PTPN22: variants seen among roughly 807,000 people sequenced by gnomAD.
The protein encoded by PTPN22 is protein tyrosine phosphatase non-receptor type 22, also known as tyrosine-protein phosphatase non-receptor type 22.
In PTPN22, 85 loss-of-function variants were observed where a neutral mutation model predicts 103.3. The ratio of observed to expected loss-of-function variants is 0.82; its 90% CI spans 0.69 to 0.99. The LOEUF is 0.99. Among genes scored for constraint, PTPN22 ranks in the 50% least tolerant of loss-of-function variants. The probability of loss-of-function intolerance (pLI) is 0.00; values close to 1 mark genes in which losing one functional copy is unlikely to be tolerated. For synonymous variants in PTPN22, 323 were observed against 310.2 expected (o/e 1.04, Z -0.43); for missense variants, 865 against 936.9 (o/e 0.92, Z 1.00).
intron 5 of PTPN22, among the ~76,000 whole-genome samples, chr1:113,857,048 A>G (rs1665146156): frequency 6.6e-6 from 1 of 152,246 alleles, no homozygotes; most frequent in African/African-American, 2.4e-5. Flanking sequence ...AAACAGACAT[A>G]TTAAAAAATG....
chr1:113,870,838 G>T (rs1349474238), intron 1 of PTPN22, among the ~76,000 whole-genome samples: 1 of 152,064 alleles, frequency 6.6e-6, no homozygotes, highest in Non-Finnish European at 1.5e-5. Context: ...GGGCAAAAAA[G>T]CAAGGCTCGT....
At chr1:113,856,499 G>A (rs41302085) in intron 6 of PTPN22, 49 bp downstream of exon 6, 1 of 1,613,882 alleles carries the variant, frequency 6.2e-7, no homozygotes, top group African/African-American at 1.3e-5. Context: ...TCTCTATAAG[G>A]TAGACCCTGG....
In PTPN22 at chr1:113,834,294, T is replaced by A; in HGVS notation, c.2025+15A>T. On this transcript the variant is annotated intron_variant, in intron 15 of 20. Transcript: ENST00000359785. ...ATTGAATCTAAATGAGTAGAGTCATTAAAAAATTATTGACCTTGCTTGGTC... is the reference window on the plus strand; with the variant it reads ...ATTGAATCTAAATGAGTAGAGTCATAAAAAAATTATTGACCTTGCTTGGTC... 2.5e-6 allele frequency: 4 copies of A among 1,612,056 alleles called. No homozygotes were observed. The highest frequency in any genetic ancestry group is 3.4e-6 in the Non-Finnish European group (4 of 1,178,780).
exon 13 of PTPN22, chr1:113,837,687 A>T: frequency 6.2e-7 from 1 of 1,603,782 alleles, no homozygotes; most frequent in Non-Finnish European, 8.5e-7. Flanking sequence ...AGAGGGATGT[A>T]GAGGATGTTG....
intron 1 of PTPN22, among the ~76,000 whole-genome samples, chr1:113,863,089 G>A (rs1469669630): frequency 6.6e-6 from 1 of 152,028 alleles, no homozygotes; most frequent in East Asian, 1.9e-4. Flanking sequence ...TGTGTGTGTT[G>A]TTGGTTGGTT....
exon 11 of PTPN22, chr1:113,848,547 C>A: frequency 6.2e-7 from 1 of 1,612,964 alleles, no homozygotes; most frequent in South Asian, 1.1e-5. Flanking sequence ...TACCTCTGTT[C>A]CAGAATGTTT....
intron 19 of PTPN22, among the ~76,000 whole-genome samples, 176 bp downstream of exon 19, chr1:113,824,966 C>CA (rs35424386): frequency 0.38 from 24,392 of 64,128 alleles, 3,072 homozygotes; most frequent in South Asian, 0.53. Flanking sequence ...TGAAGCCTAG[C>CA]AAAAAAAAAA....
intron 18 of PTPN22, among the ~76,000 whole-genome samples, chr1:113,826,179 C>A (rs980834945): frequency 1.3e-5 from 2 of 151,938 alleles, no homozygotes; most frequent in South Asian, 2.1e-4. Context: ...AGACCCCATC[C>A]CTACCAAAAA....
intron 1 of PTPN22, 26 bp downstream of exon 1, chr1:113,871,511 C>CTT: frequency 2.5e-6 from 4 of 1,596,810 alleles, no homozygotes; most frequent in Non-Finnish European, 3.4e-6. Context: ...TGTAACTACC[C>CTT]TGAGAGGGTC....
At chr1:113,867,293 A>G (rs931978157) in intron 1 of PTPN22, among the ~76,000 whole-genome samples, 6 of 152,226 alleles carry the variant, frequency 3.9e-5, no homozygotes, top group African/African-American at 1.4e-4. Context: ...TGGATGAAGT[A>G]GAACACTATT....
chr1:113,837,234 G>A (rs375341812), intron 13 of PTPN22, among the ~76,000 whole-genome samples: 3 of 152,074 alleles, frequency 2.0e-5, no homozygotes, highest in Non-Finnish European at 4.4e-5. Context: ...GGCAGATCAC[G>A]AAGTCAAGAG....
intron 20 of PTPN22, among the ~76,000 whole-genome samples, chr1:113,818,429 C>A (rs1277684750): frequency 2.0e-5 from 3 of 152,088 alleles, no homozygotes; most frequent in Non-Finnish European, 4.4e-5. Flanking sequence ...TCCAAAAGTG[C>A]TGGGATTACA....
At chr1:113,850,068 G>A (rs1208976346) in intron 10 of PTPN22, among the ~76,000 whole-genome samples, 6 of 152,076 alleles carry the variant, frequency 3.9e-5, no homozygotes, top group East Asian at 1.9e-4. Context: ...ATGGTGATGC[G>A]TGCCTGGAGT....
At chr1:113,838,048 G>A (rs768293713) in exon 13 of PTPN22, 19 of 1,613,886 alleles carry the variant, frequency 1.2e-5, no homozygotes, top group Non-Finnish European at 1.6e-5. Flanking sequence ...CAATTCAAAA[G>A]GAGTTGATTT....
chr1:113,818,817 C>G (rs1661363008), intron 20 of PTPN22, among the ~76,000 whole-genome samples: 1 of 152,192 alleles, frequency 6.6e-6, no homozygotes, highest in Non-Finnish European at 1.5e-5. Context: ...GAGGAGGCCA[C>G]ACCTCCACTT....
At position 113,852,332 on chromosome 1, in the gene PTPN22, G is replaced by T. The variant is rs538816323; in HGVS notation, c.751-228C>A. On this transcript the variant is annotated intron_variant, in intron 9 of 20. Coordinates refer to ENST00000359785, the Ensembl canonical transcript of PTPN22. The stretch of plus-strand genomic sequence containing the variant: ...GAAACTCTTCAGAATGATTTCACAC[G>T]GTATAACCAAATGTCTAAAACTATA... Among the ~76,000 whole-genome samples the T allele has an allele frequency of 3.3e-5, 5 of 152,160 alleles. No homozygotes were observed. The South Asian group carries it at 6.2e-4, about 19-fold the overall frequency.
At chr1:113,851,722 C>A (rs917960786) in intron 10 of PTPN22, among the ~76,000 whole-genome samples, 3 of 152,118 alleles carry the variant, frequency 2.0e-5, no homozygotes, top group Non-Finnish European at 4.4e-5. Context: ...TATTTCAAGT[C>A]CACAAGTCAG....
Position 113,825,236 on chromosome 1 carries a change from A to G in PTPN22, c.2251-64T>C, listed in dbSNP as rs74226075. The G allele has an allele frequency of 5.3e-4, 528 of 995,146 alleles. 6 individuals are homozygous for G. The East Asian group carries it at 8.8e-3, about 17-fold the overall frequency. The allele number at this position is 995,146 out of a possible 1,614,324, so 61.6% of individuals were successfully genotyped here. ...GAAACTTGAAATACTTTAATCAAAT[A>G]GAAATATAGACTTAAGTGAAAAGAA... On this transcript the variant is annotated intron_variant, in intron 18 of 20. Transcript: ENST00000359785.
rs1662814211 is a variant in PTPN22 at position 113,834,533 on chromosome 1, ACCT to A, written c.1895-97_1895-95del. 4 of 1,280,228 alleles carry A rather than the reference ACCT, an allele frequency of 3.1e-6. No individual in the cohort carries two copies. In the South Asian group the frequency reaches 5.2e-5, roughly 17 times the overall value. The allele number at this position is 1,280,228 out of a possible 1,614,324, so 79.3% of individuals were successfully genotyped here. A position where few individuals can be genotyped will look rare whatever the true frequency, so the allele number is the denominator to read the frequency against. Reference sequence around the variant, plus strand: ...AAATAATACATAAAACATTGAAAGGACCTGAGAAGTAATCTAGTTAATTCACAC... The same window carrying A: ...AAATAATACATAAAACATTGAAAGGAGAGAAGTAATCTAGTTAATTCACAC... On this transcript the variant is annotated intron_variant, in intron 14 of 20. Transcript: ENST00000359785.
Sources: allele counts gnomAD v4.1 joint callset (sites outside exome capture counted in the v4.1 genomes callset), GRCh38; gene constraint gnomAD v4.1.1; transcripts MANE v1.5; gene names NCBI Gene and HGNC (gene_info 2026-07-23, HGNC 2026-07-21).